The following PDZRN4 variants were observed in gnomAD, a reference collection of about 807,000 sequenced individuals.
The protein encoded by PDZRN4 is PDZ domain containing ring finger 4.
PDZRN4 carries 70 observed loss-of-function variants against 99.0 expected under a neutral mutation model. The observed-to-expected ratio is 0.71, with a 90% CI of 0.58 to 0.86. PDZRN4 has a LOEUF of 0.86. Among genes scored for constraint, PDZRN4 ranks in the 40% least tolerant of loss-of-function variants. PDZRN4 has a pLI of 0.00. For missense variants in PDZRN4, 1,474 were observed against 1,331.2 expected (o/e 1.11, Z -1.67); for synonymous variants, 551 against 501.6 (o/e 1.10, Z -1.32).
At chr12:41,447,899 A>G (rs1326890934) in intron 3 of PDZRN4, among the ~76,000 whole-genome samples, 2 of 151,842 alleles carry the variant, frequency 1.3e-5, no homozygotes, top group Non-Finnish European at 2.9e-5. Flanking sequence ...AAAGAAAAAA[A>G]TGGAAGAAGG....
chr12:41,267,507 T>C (rs1225090286), intron 3 of PDZRN4, among the ~76,000 whole-genome samples: 2 of 152,066 alleles, frequency 1.3e-5, no homozygotes, highest in South Asian at 4.1e-4. Context: ...TTCTCTATGA[T>C]ATTGATAAAA....
Position 41,573,940 on chromosome 12 carries a change from T to C in PDZRN4, c.*50T>C. The C allele has an allele frequency of 7.6e-7, 1 of 1,315,706 alleles. No individual in the cohort carries two copies. The highest frequency in any genetic ancestry group is 1.0e-6 in the Non-Finnish European group (1 of 961,370). 81.5% of individuals were successfully genotyped at this position (1,315,706 alleles called of 1,614,324 possible). ...TGATTTTAGGAGGATGCTACCAGTT[T>C]CGGTAGAGTATGATTGCCTCGTTCA... On this transcript the variant is annotated 3_prime_UTR_variant, in exon 10 of 10. Transcript: ENST00000402685.
intron 3 of PDZRN4, among the ~76,000 whole-genome samples, chr12:41,229,466 G>C (rs182651058): frequency 6.6e-6 from 1 of 152,124 alleles, no homozygotes; most frequent in African/African-American, 2.4e-5. Context: ...TTTCAAGTAA[G>C]CATGAGTAGC....
intron 3 of PDZRN4, among the ~76,000 whole-genome samples, chr12:41,398,133 T>C (rs2121134714): frequency 6.6e-6 from 1 of 152,270 alleles, no homozygotes; most frequent in Middle Eastern, 3.4e-3. Flanking sequence ...TTACTATTAC[T>C]AATCTACTCT....
At chr12:41,458,170 T>C (rs1305434615) in intron 3 of PDZRN4, among the ~76,000 whole-genome samples, 2 of 152,112 alleles carry the variant, frequency 1.3e-5, no homozygotes, top group African/African-American at 2.4e-5. Context: ...TGTGTGTGTG[T>C]ATGTGAGATG....
chr12:41,498,896 A>G (rs1938059827), intron 3 of PDZRN4, among the ~76,000 whole-genome samples: 1 of 152,164 alleles, frequency 6.6e-6, no homozygotes, highest in Non-Finnish European at 1.5e-5. Flanking sequence ...ATTTGCAAAG[A>G]TAACAAATTT....
intron 3 of PDZRN4, among the ~76,000 whole-genome samples, chr12:41,404,385 C>A (rs919739019): frequency 1.7e-4 from 26 of 151,988 alleles, no homozygotes; most frequent in Non-Finnish European, 2.9e-4. Context: ...AGAGTCAATT[C>A]AAAAACACAA....
chr12:41,192,342 C>T (rs568879810), intron 2 of PDZRN4, among the ~76,000 whole-genome samples: 8 of 152,192 alleles, frequency 5.3e-5, no homozygotes, highest in African/African-American at 1.7e-4. Flanking sequence ...CTCAAGTGAT[C>T]CACCTCCCTC....
intron 3 of PDZRN4, among the ~76,000 whole-genome samples, chr12:41,453,108 T>C (rs1952788651): frequency 6.6e-6 from 1 of 152,198 alleles, no homozygotes; most frequent in South Asian, 2.1e-4. Flanking sequence ...CCATTATCCC[T>C]GGAGGAGTGA....
At chr12:41,296,709 C>T (rs1276533063) in intron 3 of PDZRN4, among the ~76,000 whole-genome samples, 1 of 152,104 alleles carries the variant, frequency 6.6e-6, no homozygotes, top group East Asian at 1.9e-4. Flanking sequence ...CCTGTAATCC[C>T]AGCAACTTGG....
chr12:41,292,384 G>T (rs1354088888), intron 3 of PDZRN4, among the ~76,000 whole-genome samples: 1 of 152,182 alleles, frequency 6.6e-6, no homozygotes, highest in Non-Finnish European at 1.5e-5. Context: ...AGGAAGTGCA[G>T]ACCAAGAGAA....
chr12:41,435,342 A>T (rs1305558067), intron 3 of PDZRN4, among the ~76,000 whole-genome samples: 1 of 152,208 alleles, frequency 6.6e-6, no homozygotes. Context: ...CTCCAATAAG[A>T]AGCAGTTTTG....
chr12:41,466,792 T>G (rs1168562758), intron 3 of PDZRN4, among the ~76,000 whole-genome samples: 3 of 151,318 alleles, frequency 2.0e-5, no homozygotes, highest in African/African-American at 7.3e-5. Flanking sequence ...TTTCTTTTGC[T>G]TTGTTTCCAG....
intron 3 of PDZRN4, among the ~76,000 whole-genome samples, chr12:41,223,370 C>A (rs1311698533): frequency 1.3e-5 from 2 of 152,080 alleles, no homozygotes; most frequent in Non-Finnish European, 2.9e-5. Flanking sequence ...CCTGTCTCTT[C>A]CTTCTCTTCT....
chr12:41,335,946 TA>T (rs1206515153), intron 3 of PDZRN4, among the ~76,000 whole-genome samples: 1 of 152,118 alleles, frequency 6.6e-6, no homozygotes, highest in East Asian at 1.9e-4. Flanking sequence ...CTTTAAGAAA[TA>T]TCATTCTGGT....
intron 3 of PDZRN4, among the ~76,000 whole-genome samples, chr12:41,272,120 A>G (rs1346229647): frequency 6.6e-6 from 1 of 152,024 alleles, no homozygotes; most frequent in Non-Finnish European, 1.5e-5. Context: ...TAATTCACAT[A>G]AACAATAAAA....
chr12:41,421,401 C>G (rs1952488955), intron 3 of PDZRN4, among the ~76,000 whole-genome samples: 1 of 152,170 alleles, frequency 6.6e-6, no homozygotes, highest in Non-Finnish European at 1.5e-5. Context: ...CCATGTTGGA[C>G]AGGCTGGTCT....
chr12:41,438,092 G>A, intron 3 of PDZRN4: 2 of 1,518,244 alleles, frequency 1.3e-6, no homozygotes, highest in Non-Finnish European at 1.8e-6. Context: ...ATTCTGGCTA[G>A]CTTTATTTTT....
chr12:41,219,569 C>T (rs960988028), intron 3 of PDZRN4, among the ~76,000 whole-genome samples: 1 of 151,874 alleles, frequency 6.6e-6, no homozygotes, highest in African/African-American at 2.4e-5. Context: ...GAATTTTAAA[C>T]AGCACAAATA....
Sources: gnomAD v4.1 joint callset for allele counts (sites outside exome capture counted in the v4.1 genomes callset) on GRCh38, gnomAD v4.1.1 for gene constraint, MANE v1.5 for transcripts, NCBI Gene and HGNC (gene_info 2026-07-23, HGNC 2026-07-21) for gene names.